Variants in NRXN3 observed in about 807,000 individuals in gnomAD.
NRXN3 encodes neurexin III.
In NRXN3, 32 loss-of-function variants were observed where a neutral mutation model predicts 137.6. That is an observed-to-expected ratio of 0.23 (90% confidence interval 0.18 to 0.31). NRXN3 has a LOEUF of 0.31. Ranked by LOEUF, NRXN3 falls within the 10% of genes least tolerant of loss-of-function variation. The probability of loss-of-function intolerance (pLI) is 1.00; values close to 1 mark genes in which losing one functional copy is unlikely to be tolerated. For missense variants in NRXN3, 1,574 were observed against 2,062.5 expected (o/e 0.76, Z 4.59); for synonymous variants, 798 against 784.5 (o/e 1.02, Z -0.29).
intron 16 of NRXN3, among the ~76,000 whole-genome samples, chr14:79,659,069 T>G (rs907479292): frequency 5.9e-5 from 9 of 151,496 alleles, no homozygotes; most frequent in Middle Eastern, 3.2e-3. Context: ...GCAGTGTGAC[T>G]GATTGAGGAT....
chr14:78,628,610 T>G (rs1315548433), intron 4 of NRXN3, among the ~76,000 whole-genome samples: 2 of 152,230 alleles, frequency 1.3e-5, no homozygotes, highest in Admixed American at 1.3e-4. Flanking sequence ...TGGCTCTCCC[T>G]GGCCAACCCC....
At chr14:79,457,537 C>G (rs2096273532) in intron 15 of NRXN3, among the ~76,000 whole-genome samples, 1 of 152,128 alleles carries the variant, frequency 6.6e-6, no homozygotes, top group South Asian at 2.1e-4. Context: ...TTCTTTTCAT[C>G]CAATTCTGAC....
intron 16 of NRXN3, among the ~76,000 whole-genome samples, chr14:79,575,378 G>A (rs958514141): frequency 1.3e-5 from 2 of 152,102 alleles, no homozygotes; most frequent in African/African-American, 4.8e-5. Context: ...TTGAAATATG[G>A]TTGCAGTGGA....
intron 16 of NRXN3, among the ~76,000 whole-genome samples, chr14:79,524,613 C>T (rs1020838454): frequency 2.0e-5 from 3 of 152,128 alleles, no homozygotes; most frequent in African/African-American, 7.2e-5. Context: ...TTTACTTTGA[C>T]AATATTCTCC....
intron 16 of NRXN3, among the ~76,000 whole-genome samples, chr14:79,520,003 G>GT (rs2097047079): frequency 6.6e-6 from 1 of 151,562 alleles, no homozygotes; most frequent in South Asian, 2.1e-4. Context: ...TCTTATTTCT[G>GT]TTTTTTGGCT....
chr14:78,549,238 G>A (rs2096664127), intron 4 of NRXN3, among the ~76,000 whole-genome samples: 1 of 152,124 alleles, frequency 6.6e-6, no homozygotes, highest in Admixed American at 6.5e-5. Flanking sequence ...GTTTGTACAG[G>A]ATTCAGGACC....
intron 4 of NRXN3, among the ~76,000 whole-genome samples, chr14:78,540,038 A>G (rs903542042): frequency 9.2e-5 from 14 of 152,170 alleles, no homozygotes; most frequent in Non-Finnish European, 1.3e-4. Context: ...TATGTGGTCA[A>G]TTTTGGAATA....
At position 78,243,671 on chromosome 14, in the gene NRXN3, G is replaced by T; in HGVS notation, c.578G>T (p.Gly193Val). 1 of 1,598,424 alleles carries T rather than the reference G, an allele frequency of 6.3e-7. No individual in the cohort carries two copies. The highest frequency in any genetic ancestry group is 8.5e-7 in the Non-Finnish European group (1 of 1,179,820). Residue 193 changes from glycine to valine, a missense_variant, in exon 2 of 21, where the codon GGT becomes GTT. Transcript: ENST00000335750. This position sits in a 1 kb window ranked among gnomAD's most constrained non-coding sequence, Gnocchi z 4.2. Reference sequence around the variant, plus strand: ...GAGCCTCGGCTTCTGGGGAGCCGGGGTGTCCAGATGGATGCCGAGGGACCC... The same window carrying T: ...GAGCCTCGGCTTCTGGGGAGCCGGGTTGTCCAGATGGATGCCGAGGGACCC... The part of the protein sequence containing the change: ...NSEPRLLGSR[G>V]VQMDAEGPCG...
At chr14:79,472,838 T>C (rs1005943519) in intron 16 of NRXN3, among the ~76,000 whole-genome samples, 16 of 152,158 alleles carry the variant, frequency 1.1e-4, no homozygotes, top group African/African-American at 3.9e-4. Context: ...ATGAAGTGCT[T>C]GTTATTACTA....
intron 10 of NRXN3, among the ~76,000 whole-genome samples, chr14:78,923,579 C>T (rs763517676): frequency 2.6e-5 from 4 of 152,164 alleles, no homozygotes; most frequent in Non-Finnish European, 2.9e-5. Flanking sequence ...CTAATCAATG[C>T]TCCTGCTCCC....
chr14:78,699,501 G>A (rs1567088837), intron 6 of NRXN3, among the ~76,000 whole-genome samples: 2 of 152,358 alleles, frequency 1.3e-5, no homozygotes, highest in South Asian at 2.1e-4. Context: ...CATGTTAATA[G>A]TGAGACGATT....
intron 15 of NRXN3, among the ~76,000 whole-genome samples, chr14:79,221,633 T>C (rs571561050): frequency 1.4e-4 from 21 of 152,172 alleles, no homozygotes; most frequent in Non-Finnish European, 3.1e-4. Flanking sequence ...TTAATGTTCT[T>C]TGTAGATTCC....
At chr14:78,679,310 T>A (rs1337849788) in intron 6 of NRXN3, among the ~76,000 whole-genome samples, 3 of 152,182 alleles carry the variant, frequency 2.0e-5, no homozygotes, top group African/African-American at 7.2e-5. Flanking sequence ...TGTGTTTTAG[T>A]CTTTGTGGAC....
intron 16 of NRXN3, among the ~76,000 whole-genome samples, chr14:79,542,629 C>T (rs1434676513): frequency 1.3e-5 from 2 of 152,158 alleles, no homozygotes; most frequent in African/African-American, 4.8e-5. Flanking sequence ...CCACAGTCCT[C>T]TTTTTAAGCT....
intron 15 of NRXN3, among the ~76,000 whole-genome samples, chr14:79,145,582 G>T (rs1002729001): frequency 3.3e-5 from 5 of 152,168 alleles, no homozygotes; most frequent in Admixed American, 6.5e-5. Context: ...AGCCTCAAAT[G>T]CTCCTAGGAG....
chr14:79,462,387 A>G (rs2096357199), intron 15 of NRXN3, among the ~76,000 whole-genome samples: 1 of 151,928 alleles, frequency 6.6e-6, no homozygotes, highest in South Asian at 2.1e-4. Context: ...AAAAATAAAT[A>G]AATAAGTAAA....
intron 19 of NRXN3, chr14:79,760,723 T>G (rs1307997228): frequency 6.6e-6 from 1 of 151,568 alleles, no homozygotes; most frequent in Non-Finnish European, 1.5e-5. Flanking sequence ...GACCAGCTGC[T>G]AACAAGCAAA....
chr14:79,265,794 C>A (rs978290471), intron 15 of NRXN3, among the ~76,000 whole-genome samples: 10 of 152,182 alleles, frequency 6.6e-5, no homozygotes, highest in African/African-American at 2.2e-4. Context: ...TTGCTCTCTG[C>A]CTGAATTGGG....
At chr14:78,473,401 CAA>C (rs34856071) in intron 4 of NRXN3, among the ~76,000 whole-genome samples, 15,650 of 117,498 alleles carry the variant, frequency 0.13, 948 homozygotes, top group African/African-American at 0.2. Flanking sequence ...GACTCTGTCT[CAA>C]AAAAAAAAAA....
Sources: gnomAD v4.1 joint callset for allele counts (sites outside exome capture counted in the v4.1 genomes callset) on GRCh38, gnomAD v4.1.1 for gene constraint, Gnocchi (gnomAD v3.1) non-coding constraint, MANE v1.5 for transcripts, NCBI Gene and HGNC (gene_info 2026-07-23, HGNC 2026-07-21) for gene names.